Variants in EIPR1 observed in about 807,000 individuals in gnomAD.
EIPR1 encodes the protein EARP and GARP complex-interacting protein 1.
In EIPR1, 25 loss-of-function variants were observed where a neutral mutation model predicts 48.1. That is an observed-to-expected ratio of 0.52 (90% CI 0.38 to 0.73). The LOEUF is 0.73. EIPR1 is among the 30% of genes least tolerant of loss of function. The probability of loss-of-function intolerance (pLI) is 0.00; values close to 1 mark genes in which losing one functional copy is unlikely to be tolerated. For synonymous variants in EIPR1, 204 were observed against 201.9 expected (o/e 1.01, Z -0.09); for missense variants, 415 against 506.2 (o/e 0.82, Z 1.73).
intron 3 of EIPR1, among the ~76,000 whole-genome samples, chr2:3,285,309 A>C (rs1668145544): frequency 6.9e-6 from 1 of 145,648 alleles, no homozygotes; most frequent in Non-Finnish European, 1.5e-5. Context: ...AACAGAGCCA[A>C]CACCCTCCCA....
chr2:3,280,493 C>T (rs1667983108), intron 3 of EIPR1, among the ~76,000 whole-genome samples: 1 of 152,156 alleles, frequency 6.6e-6, no homozygotes. Flanking sequence ...GCTTGTCTCC[C>T]CCAACTTGAA....
intron 4 of EIPR1, among the ~76,000 whole-genome samples, chr2:3,240,195 A>G (rs1032789318): frequency 2.0e-5 from 3 of 152,030 alleles, no homozygotes; most frequent in African/African-American, 7.3e-5. Context: ...TCCTCAAGAA[A>G]AGCCAGCAGA....
intron 4 of EIPR1, among the ~76,000 whole-genome samples, chr2:3,255,515 A>C (rs900340224): frequency 6.6e-6 from 1 of 152,252 alleles, no homozygotes; most frequent in Non-Finnish European, 1.5e-5. Context: ...CTATGTAGGT[A>C]TGATGCAATT....
chr2:3,351,268 T>C (rs1232687765), intron 2 of EIPR1, among the ~76,000 whole-genome samples: 1 of 152,232 alleles, frequency 6.6e-6, no homozygotes, highest in East Asian at 1.9e-4. Flanking sequence ...CCTGAAGTGC[T>C]GGGATTACAT....
At chr2:3,365,046 T>C (rs1025942670) in intron 1 of EIPR1, among the ~76,000 whole-genome samples, 3 of 152,208 alleles carry the variant, frequency 2.0e-5, no homozygotes, top group African/African-American at 7.2e-5. Flanking sequence ...GATACACTGA[T>C]TTGATTTTTA....
At chr2:3,192,265 T>C in intron 8 of EIPR1, 149 bp downstream of exon 8, 7 of 972,460 alleles carry the variant, frequency 7.2e-6, no homozygotes, top group Non-Finnish European at 9.9e-6. Context: ...CCCCTGGAAC[T>C]GTGAGTCCCC....
At chr2:3,270,850 T>C (rs1667682266) in intron 3 of EIPR1, among the ~76,000 whole-genome samples, 1 of 152,242 alleles carries the variant, frequency 6.6e-6, no homozygotes, top group Non-Finnish European at 1.5e-5. Context: ...AGTTTCTGCA[T>C]CTATTGACTC....
chr2:3,262,694 G>A (rs1190708095), intron 3 of EIPR1, among the ~76,000 whole-genome samples: 1 of 152,178 alleles, frequency 6.6e-6, no homozygotes, highest in East Asian at 1.9e-4. Context: ...GAGTCACCAC[G>A]TGGTCCCGGG....
intron 3 of EIPR1, among the ~76,000 whole-genome samples, chr2:3,273,763 C>G (rs893700141): frequency 5.3e-5 from 8 of 152,128 alleles, no homozygotes; most frequent in African/African-American, 1.7e-4. Flanking sequence ...ACCCACAGGC[C>G]AGCCCCTTGG....
chr2:3,365,800 G>T (rs1572488572), intron 1 of EIPR1, among the ~76,000 whole-genome samples: 2 of 151,302 alleles, frequency 1.3e-5, no homozygotes, highest in Non-Finnish European at 1.5e-5. Context: ...CACAGGGTTG[G>T]GGGTAAGGTC....
intron 3 of EIPR1, among the ~76,000 whole-genome samples, chr2:3,302,116 A>C (rs1668779022): frequency 6.6e-6 from 1 of 152,094 alleles, no homozygotes; most frequent in African/African-American, 2.4e-5. Flanking sequence ...TGTATAGAAT[A>C]CTCCCTCAGC....
chr2:3,275,083 C>A (rs571500962), intron 3 of EIPR1, among the ~76,000 whole-genome samples: 1 of 152,028 alleles, frequency 6.6e-6, no homozygotes, highest in Non-Finnish European at 1.5e-5. Flanking sequence ...ACAAATAGAT[C>A]AGTATTCACA....
In EIPR1 at chr2:3,189,248, G is replaced by C. The variant is rs1191901424; in HGVS notation, c.*86C>G. On this transcript the variant is annotated 3_prime_UTR_variant, in exon 9 of 9. Coordinates refer to ENST00000382125, the MANE Select transcript of EIPR1 (RefSeq NM_003310.5). This position sits in a 1 kb window ranked among gnomAD's most constrained non-coding sequence, Gnocchi z 4.6. ...CCAGAGAGGGATCCACCTGGAACAC[G>C]AGTCACCTCCAAAGAGCTGCGACTG... 13 of 1,346,662 alleles carry C rather than the reference G, an allele frequency of 9.7e-6. No individual in the cohort carries two copies. Among genetic ancestry groups the C allele is most frequent in the Non-Finnish European group, 1.3e-5 (13 of 1,017,236 alleles). 83.4% of individuals were successfully genotyped at this position (1,346,662 alleles called of 1,614,324 possible).
intron 2 of EIPR1, among the ~76,000 whole-genome samples, chr2:3,342,732 G>C (rs1269352586): frequency 6.6e-6 from 1 of 152,210 alleles, no homozygotes; most frequent in African/African-American, 2.4e-5. Context: ...GCAGAGGGGG[G>C]ATCCATGTTC....
At chr2:3,336,826 GGGAAGGGAAGGGAAA>G (rs1354487041) in intron 3 of EIPR1, among the ~76,000 whole-genome samples, 4 of 143,628 alleles carry the variant, frequency 2.8e-5, no homozygotes, top group African/African-American at 5.2e-5. Flanking sequence ...GAAAAGAAAA[GGGAAGGGAAGGGAAA>G]GGAAGGGAAA....
intron 3 of EIPR1, among the ~76,000 whole-genome samples, chr2:3,284,722 C>T (rs1668124377): frequency 6.6e-6 from 1 of 152,164 alleles, no homozygotes; most frequent in Non-Finnish European, 1.5e-5. Context: ...GATTCCAACT[C>T]GAGTCTGCCC....
intron 3 of EIPR1, among the ~76,000 whole-genome samples, chr2:3,327,459 C>T (rs1185499553): frequency 6.6e-6 from 1 of 152,228 alleles, no homozygotes; most frequent in Non-Finnish European, 1.5e-5. Context: ...GCTGGGATAA[C>T]AGGTGTGAGT....
chr2:3,319,410 G>A (rs1572437491), intron 3 of EIPR1: 1 of 182,630 alleles, frequency 5.5e-6, no homozygotes, highest in South Asian at 1.2e-4. Flanking sequence ...TGGCACATGA[G>A]CACTCGATGG....
At chr2:3,265,440 T>C (rs1667457338) in intron 3 of EIPR1, among the ~76,000 whole-genome samples, 1 of 152,202 alleles carries the variant, frequency 6.6e-6, no homozygotes, top group Non-Finnish European at 1.5e-5. Context: ...ATCCCAACAG[T>C]GTTCAACACA....
Sources: allele counts gnomAD v4.1 joint callset (sites outside exome capture counted in the v4.1 genomes callset), GRCh38; gene constraint gnomAD v4.1.1; non-coding constraint Gnocchi (gnomAD v3.1); transcripts MANE v1.5; gene names NCBI Gene and HGNC (gene_info 2026-07-23, HGNC 2026-07-21).